GRM8: variants seen among roughly 807,000 people sequenced by gnomAD.
The protein encoded by GRM8 is metabotropic glutamate receptor 8.
In GRM8, 47 loss-of-function variants were observed where a neutral mutation model predicts 87.2. That is an observed-to-expected ratio of 0.54 (90% CI 0.43 to 0.69). GRM8 has a LOEUF of 0.69. Among genes scored for constraint, GRM8 ranks in the 30% least tolerant of loss-of-function variants. The pLI is 0.00. For synonymous variants in GRM8, 396 were observed against 404.5 expected (o/e 0.98, Z 0.25); for missense variants, 1,019 against 1,139.2 (o/e 0.89, Z 1.52).
At chr7:127,206,089 T>C (rs1795895557) in intron 2 of GRM8, among the ~76,000 whole-genome samples, 1 of 152,166 alleles carries the variant, frequency 6.6e-6, no homozygotes, top group Admixed American at 6.5e-5. Flanking sequence ...CTTTGAACTA[T>C]TCAATTTTAT....
chr7:127,176,170 A>G (rs1794093260), intron 2 of GRM8, among the ~76,000 whole-genome samples: 1 of 152,184 alleles, frequency 6.6e-6, no homozygotes, highest in East Asian at 1.9e-4. Flanking sequence ...ACCACTATTA[A>G]AAAAATTTTT....
intron 9 of GRM8, among the ~76,000 whole-genome samples, chr7:126,482,000 T>C (rs1036130252): frequency 2.6e-5 from 4 of 152,148 alleles, no homozygotes; most frequent in South Asian, 2.1e-4. Flanking sequence ...GGCAAAGGAC[T>C]TGAATAGACA....
chr7:126,913,452 T>C (rs1168606986), intron 3 of GRM8, among the ~76,000 whole-genome samples: 3 of 152,188 alleles, frequency 2.0e-5, no homozygotes, highest in African/African-American at 4.8e-5. Context: ...CATAAGAAAT[T>C]TGCCTAGAAT....
At chr7:127,199,141 T>C (rs1358796976) in intron 2 of GRM8, among the ~76,000 whole-genome samples, 1 of 97,768 alleles carries the variant, frequency 1.0e-5, no homozygotes, top group Non-Finnish European at 2.6e-5. Context: ...GCACCCGGCT[T>C]TTTTTTTTCT....
At chr7:126,812,796 C>A (rs374098500) in intron 6 of GRM8, among the ~76,000 whole-genome samples, 12 of 152,130 alleles carry the variant, frequency 7.9e-5, no homozygotes, top group Admixed American at 3.9e-4. Context: ...AGTAAACATG[C>A]ATACATAGAG....
chr7:126,742,940 C>T (rs1393594737), intron 7 of GRM8, among the ~76,000 whole-genome samples: 1 of 152,018 alleles, frequency 6.6e-6, no homozygotes, highest in African/African-American at 2.4e-5. Flanking sequence ...TCTTACATAT[C>T]TTCATTTCCA....
At chr7:127,211,583 A>G (rs1165190514) in intron 2 of GRM8, among the ~76,000 whole-genome samples, 1 of 152,234 alleles carries the variant, frequency 6.6e-6, no homozygotes, top group African/African-American at 2.4e-5. Context: ...AGTATTAACC[A>G]TCACAGAACT....
At chr7:126,558,721 T>G (rs1269502725) in intron 8 of GRM8, among the ~76,000 whole-genome samples, 2 of 152,200 alleles carry the variant, frequency 1.3e-5, no homozygotes, top group Non-Finnish European at 2.9e-5. Flanking sequence ...ATTCCTTTTT[T>G]TTCTGAATAT....
rs73444999 is a variant in GRM8 at position 126,486,562 on chromosome 7, A to T, written c.2431-40190T>A. On this transcript the variant is annotated intron_variant, in intron 9 of 10. Transcript: ENST00000339582. ...GGCTGGAACCATTCGTAAGCTACAT[A>T]TATAGATCTCACAATTTTTAAAAAT... 3.5e-3 allele frequency among the ~76,000 whole-genome samples: 539 copies of T among 152,172 alleles called. 2 individuals are homozygous for T. The highest frequency in any genetic ancestry group is 0.012 in the African/African-American group (495 of 41,562).
intron 2 of GRM8, among the ~76,000 whole-genome samples, chr7:127,209,451 A>C (rs1796091519): frequency 6.6e-6 from 1 of 152,244 alleles, no homozygotes; most frequent in Non-Finnish European, 1.5e-5. Context: ...AGAATCCAGC[A>C]GCCCCTACCT....
At chr7:126,489,770 G>T (rs1249788038) in intron 9 of GRM8, among the ~76,000 whole-genome samples, 2 of 152,032 alleles carry the variant, frequency 1.3e-5, no homozygotes, top group African/African-American at 4.8e-5. Flanking sequence ...ATTTCTTGGT[G>T]TGTGAGTGAG....
At chr7:127,220,079 T>A (rs571162989) in intron 2 of GRM8, among the ~76,000 whole-genome samples, 1 of 152,314 alleles carries the variant, frequency 6.6e-6, no homozygotes, top group South Asian at 2.1e-4. Flanking sequence ...CTACTTGTGT[T>A]AGAGAACAAT....
intron 7 of GRM8, among the ~76,000 whole-genome samples, chr7:126,688,140 T>C (rs1291202057): frequency 6.6e-6 from 1 of 152,210 alleles, no homozygotes; most frequent in Non-Finnish European, 1.5e-5. Flanking sequence ...TAGGAGAAGA[T>C]ACATGTAAAT....
At position 126,833,655 on chromosome 7, in the gene GRM8, G is replaced by A. The variant is rs549160977; in HGVS notation, c.1157-63590C>T. On this transcript the variant is annotated intron_variant, in intron 6 of 10. Transcript: ENST00000339582. ...TTATAAGCACACTAATCCCATCATG[G>A]AGCCCCACCTTCATGACTTCAGCTA... Among the ~76,000 whole-genome samples the A allele has an allele frequency of 3.9e-5, 6 of 152,176 alleles. No homozygotes were observed. The South Asian group carries it at 1.2e-3, about 32-fold the overall frequency.
intron 2 of GRM8, among the ~76,000 whole-genome samples, chr7:127,195,826 C>T (rs528406772): frequency 6.6e-6 from 1 of 152,156 alleles, no homozygotes; most frequent in African/African-American, 2.4e-5. Flanking sequence ...TGCCTATCCA[C>T]CCCCTTCCGC....
intron 2 of GRM8, among the ~76,000 whole-genome samples, chr7:127,223,373 T>C (rs561801062): frequency 2.6e-5 from 4 of 151,956 alleles, no homozygotes; most frequent in African/African-American, 9.7e-5. Flanking sequence ...TAGCTTCTTT[T>C]AGATTGAAGA....
chr7:126,491,001 G>T (rs1807940971), intron 9 of GRM8, among the ~76,000 whole-genome samples: 2 of 151,988 alleles, frequency 1.3e-5, no homozygotes, highest in Non-Finnish European at 2.9e-5. Context: ...TCCTTTTATG[G>T]TAATTTTGTC....
At chr7:126,493,533 G>A (rs76247822) in intron 9 of GRM8, among the ~76,000 whole-genome samples, 288 of 152,134 alleles carry the variant, frequency 1.9e-3, no homozygotes, top group Non-Finnish European at 3.6e-3. Context: ...GGACTGAGCT[G>A]TTGAAAATTC....
Position 126,824,552 on chromosome 7 carries a change from T to C in GRM8, c.1157-54487A>G, listed in dbSNP as rs200342568. The stretch of plus-strand genomic sequence containing the variant: ...TACCTACAGAACTGTGTTCACAGTG[T>C]TGGTATACTTATGTGTCCTACCAAC... On this transcript the variant is annotated intron_variant, in intron 6 of 10. Transcript: ENST00000339582. Among the ~76,000 whole-genome samples the C allele has an allele frequency of 1.8e-4, 28 of 152,262 alleles. No individual in the cohort carries two copies. In the East Asian group the frequency reaches 4.8e-3, roughly 26 times the overall value.
Sources: allele counts gnomAD v4.1 joint callset (sites outside exome capture counted in the v4.1 genomes callset), GRCh38; gene constraint gnomAD v4.1.1; transcripts MANE v1.5; gene names NCBI Gene and HGNC (gene_info 2026-07-23, HGNC 2026-07-21).